Variants in ZNF280D observed in about 807,000 individuals in gnomAD.
ZNF280D encodes suppressor of hairy wing homolog 4.
ZNF280D carries 39 observed loss-of-function variants against 94.7 expected under a neutral mutation model. The observed-to-expected ratio is 0.41, with a 90% confidence interval of 0.32 to 0.54. The LOEUF is 0.54. Ranked by LOEUF, ZNF280D falls within the 20% of genes least tolerant of loss-of-function variation. The pLI is 0.22. For synonymous variants in ZNF280D, 398 were observed against 377.6 expected (o/e 1.05, Z -0.63); for missense variants, 1,090 against 1,149.3 (o/e 0.95, Z 0.75).
rs866501309 is a variant in ZNF280D at position 56,666,589 on chromosome 15, A to C, written c.1854-54T>G. On this transcript the variant is annotated intron_variant, in intron 15 of 21. Coordinates refer to ENST00000267807, the MANE Select transcript of ZNF280D (RefSeq NM_017661.4). ...AATATATTTTAAAACAAAAATAATAAGGAAGAGCCTTAATAATGTTCTCTT... is the reference window on the plus strand; with the variant it reads ...AATATATTTTAAAACAAAAATAATACGGAAGAGCCTTAATAATGTTCTCTT... 5 of 1,526,038 alleles carry C rather than the reference A, an allele frequency of 3.3e-6. No individual in the cohort carries two copies. In the South Asian group the frequency reaches 3.8e-5, roughly 12 times the overall value. The allele number at this position is 1,526,038 out of a possible 1,614,324, so 94.5% of individuals were successfully genotyped here.
At chr15:56,635,933 C>G (rs2052330732) in intron 20 of ZNF280D, among the ~76,000 whole-genome samples, 1 of 152,114 alleles carries the variant, frequency 6.6e-6, no homozygotes, top group South Asian at 2.1e-4. Flanking sequence ...TTTATAAACA[C>G]TATTTCAATA....
intron 1 of ZNF280D, among the ~76,000 whole-genome samples, chr15:56,732,010 A>G (rs1302942285): frequency 6.6e-6 from 1 of 152,172 alleles, no homozygotes; most frequent in East Asian, 1.9e-4. Flanking sequence ...TCAAAAGTAA[A>G]GTATAAAAAT....
intron 13 of ZNF280D, among the ~76,000 whole-genome samples, chr15:56,669,876 TA>T (rs2054574558): frequency 1.8e-4 from 1 of 5,526 alleles, no homozygotes; most frequent in Non-Finnish European, 4.3e-4. Context: ...ATATATTTTA[TA>T]TATATATATA....
At chr15:56,643,090 A>G in intron 19 of ZNF280D, 93 bp from the exon 20 acceptor site, 1 of 798,310 alleles carries the variant, frequency 1.3e-6, no homozygotes, top group Non-Finnish European at 1.8e-6. Context: ...AAATAATTAA[A>G]ATGTAGATCG....
intron 7 of ZNF280D, among the ~76,000 whole-genome samples, chr15:56,691,098 A>G (rs1193791494): frequency 1.3e-5 from 2 of 152,196 alleles, no homozygotes; most frequent in East Asian, 3.9e-4. Flanking sequence ...GTACACAGAA[A>G]GCACTCAGTA....
At chr15:56,683,604 T>G (rs1478737034) in intron 9 of ZNF280D, among the ~76,000 whole-genome samples, 3 of 152,234 alleles carry the variant, frequency 2.0e-5, no homozygotes, top group Non-Finnish European at 2.9e-5. Flanking sequence ...TTCTTATCTT[T>G]ACTCCTCCCA....
intron 9 of ZNF280D, 83 bp downstream of exon 9, chr15:56,688,958 G>T: frequency 1.2e-6 from 1 of 804,360 alleles, no homozygotes; most frequent in East Asian, 2.8e-5. Context: ...GATTATTTCT[G>T]GACAAACCAT....
intron 6 of ZNF280D, among the ~76,000 whole-genome samples, chr15:56,696,566 C>T (rs2056760278): frequency 6.6e-6 from 1 of 152,148 alleles, no homozygotes; most frequent in Admixed American, 6.5e-5. Context: ...AATAATATAT[C>T]CCATCCCTGC....
At chr15:56,682,167 T>G in intron 10 of ZNF280D, 87 bp downstream of exon 10, 1 of 941,132 alleles carries the variant, frequency 1.1e-6, no homozygotes, top group South Asian at 1.6e-5. Flanking sequence ...TTACCTAGAA[T>G]GGCATAGAAA....
At chr15:56,655,551 T>G (rs984696144) in intron 17 of ZNF280D, among the ~76,000 whole-genome samples, 13 of 152,350 alleles carry the variant, frequency 8.5e-5, no homozygotes, top group African/African-American at 3.1e-4. Context: ...TATAAATGTT[T>G]AAAGAGGTTA....
chr15:56,689,913 T>C (rs2056324446), intron 7 of ZNF280D, among the ~76,000 whole-genome samples: 1 of 152,220 alleles, frequency 6.6e-6, no homozygotes, highest in African/African-American at 2.4e-5. Flanking sequence ...CTTAAGATGC[T>C]TTTTTCAATT....
intron 20 of ZNF280D, among the ~76,000 whole-genome samples, chr15:56,641,622 C>G (rs2052632522): frequency 6.6e-6 from 1 of 151,736 alleles, no homozygotes; most frequent in Admixed American, 6.6e-5. Context: ...AAAAGTTGAT[C>G]ATATTTAAAT....
At position 56,654,197 on chromosome 15, in the gene ZNF280D, C is replaced by T; in HGVS notation, c.2213+1G>A. The T allele has an allele frequency of 6.2e-7, 1 of 1,607,752 alleles. No homozygotes were observed. Among genetic ancestry groups the T allele is most frequent in the Non-Finnish European group, 8.5e-7 (1 of 1,178,372 alleles). ...ATGCACTGAATAAAAATTAAACTTA[C>T]TCAGAAAGGTGCTCAGAAGTTGGGA... On this transcript the variant is annotated splice_donor_variant, in intron 19 of 21. Transcript: ENST00000267807. LOFTEE classifies it high-confidence loss of function.
chr15:56,731,920 C>A (rs1018252017), intron 1 of ZNF280D, among the ~76,000 whole-genome samples: 1 of 152,158 alleles, frequency 6.6e-6, no homozygotes, highest in Non-Finnish European at 1.5e-5. Context: ...CACCTGTAAT[C>A]CCAGCTACGG....
chr15:56,707,274 A>G lies in ZNF280D; in HGVS notation c.-53T>C. 1 of 1,538,812 alleles carries G rather than the reference A, an allele frequency of 6.5e-7. No homozygotes were observed. Among genetic ancestry groups the G allele is most frequent in the Non-Finnish European group, 8.7e-7 (1 of 1,145,818 alleles). On this transcript the variant is annotated 5_prime_UTR_variant, in exon 2 of 22. Coordinates refer to ENST00000267807, the MANE Select transcript of ZNF280D (RefSeq NM_017661.4). ...ACCTCTAAACTCACCATGTGACTCC[A>G]GACAAGCCAGCAAGTTATTTCTGTT...
At chr15:56,712,884 G>A (rs2057846408) in intron 1 of ZNF280D, among the ~76,000 whole-genome samples, 2 of 151,732 alleles carry the variant, frequency 1.3e-5, no homozygotes, top group Admixed American at 1.3e-4. Context: ...GGGATTATAG[G>A]TGCGCACCAT....
intron 14 of ZNF280D, among the ~76,000 whole-genome samples, chr15:56,667,505 T>G (rs908102643): frequency 6.6e-6 from 1 of 152,176 alleles, no homozygotes; most frequent in Non-Finnish European, 1.5e-5. Context: ...TTATACTGCA[T>G]AGAGGGCTAA....
At chr15:56,644,978 A>C (rs2052807650) in intron 19 of ZNF280D, among the ~76,000 whole-genome samples, 1 of 152,212 alleles carries the variant, frequency 6.6e-6, no homozygotes, top group African/African-American at 2.4e-5. Flanking sequence ...ATTTAGAAAA[A>C]TAAATCTTAA....
intron 14 of ZNF280D, among the ~76,000 whole-genome samples, chr15:56,667,625 G>A (rs2054385413): frequency 6.6e-6 from 1 of 152,096 alleles, no homozygotes. Context: ...AAACACAAGT[G>A]CCTACCAACA....
Sources: allele counts gnomAD v4.1 joint callset (sites outside exome capture counted in the v4.1 genomes callset), GRCh38; gene constraint gnomAD v4.1.1; transcripts MANE v1.5; gene names NCBI Gene and HGNC (gene_info 2026-07-23, HGNC 2026-07-21).